Variants in SEMA5A observed in about 807,000 individuals in gnomAD.
SEMA5A encodes semaphorin 5A, also known as semaphorin-5A.
In SEMA5A, 55 loss-of-function variants were observed where a neutral mutation model predicts 135.5. That is an observed-to-expected ratio of 0.41 (90% CI 0.33 to 0.51). The LOEUF (loss-of-function observed/expected upper bound fraction) is 0.51. SEMA5A is among the 20% of genes least tolerant of loss of function. SEMA5A has a pLI of 0.37. For synonymous variants in SEMA5A, 580 were observed against 546.5 expected (o/e 1.06, Z -0.85); for missense variants, 1,290 against 1,419.9 (o/e 0.91, Z 1.47).
At chr5:9,186,741 A>G (rs1744830082) in intron 11 of SEMA5A, among the ~76,000 whole-genome samples, 1 of 152,270 alleles carries the variant, frequency 6.6e-6, no homozygotes, top group African/African-American at 2.4e-5. Flanking sequence ...GGTAGATGTG[A>G]TAATTAGATA....
Position 9,050,422 on chromosome 5 carries a change from T to G in SEMA5A, c.2881A>C (p.Lys961Gln). 1 of 1,612,896 alleles carries G rather than the reference T, an allele frequency of 6.2e-7. No homozygotes were observed. Among genetic ancestry groups the G allele is most frequent in the South Asian group, 1.1e-5 (1 of 90,648 alleles). The stretch of plus-strand genomic sequence containing the variant: ...AGGAATAACGTACCTCCACACCTTT[T>G]CTCTTCTACGCTACTGGATCTTGCC... ...SVARSSSVEE[K>Q]RCGEFNMFHM... is the part of the protein sequence containing the mutation. Residue 961 changes from lysine (K) to glutamine (Q), a missense_variant, in exon 21 of 23, where the codon AAA becomes CAA. By Grantham distance (53) the Lys-to-Gln change is moderately conservative. This residue lies in a region of SEMA5A where 1,029 missense variants were observed against 1,086.6 expected (regional missense o/e 0.95). Coordinates refer to ENST00000382496, the MANE Select transcript of SEMA5A (RefSeq NM_003966.3).
chr5:9,199,943 G>A (rs1004575054), intron 9 of SEMA5A, among the ~76,000 whole-genome samples: 1 of 152,162 alleles, frequency 6.6e-6, no homozygotes, highest in Non-Finnish European at 1.5e-5. Context: ...CCCTAGTGCT[G>A]AGAAACCTTG....
chr5:9,192,619 A>G (rs893565740), intron 10 of SEMA5A, among the ~76,000 whole-genome samples: 6 of 152,216 alleles, frequency 3.9e-5, no homozygotes, highest in Admixed American at 6.5e-5. Context: ...ATATAATTAC[A>G]GTATTAAATA....
intron 16 of SEMA5A, among the ~76,000 whole-genome samples, chr5:9,089,740 TTCA>T (rs1738929221): frequency 6.6e-6 from 1 of 152,172 alleles, no homozygotes; most frequent in Non-Finnish European, 1.5e-5. Flanking sequence ...CTTCTAACCT[TTCA>T]TCACTAAGTA....
intron 11 of SEMA5A, among the ~76,000 whole-genome samples, chr5:9,161,124 G>C (rs3797915): frequency 0.14 from 17,246 of 119,648 alleles, 1,169 homozygotes; most frequent in South Asian, 0.23. Flanking sequence ...GTGTTTTTTA[G>C]TGGGGAATTT....
intron 16 of SEMA5A, among the ~76,000 whole-genome samples, chr5:9,081,536 T>C (rs1466747593): frequency 8.1e-6 from 1 of 123,566 alleles, no homozygotes; most frequent in Non-Finnish European, 1.8e-5. Context: ...CCTCTCGCTA[T>C]GATATTTCTC....
In SEMA5A at chr5:9,473,715, TG is replaced by T. The variant is rs555645219; in HGVS notation, c.-174-35864del. ...TTAGGGAACGTGGTGTGCATGGCCA[TG>T]GGTGGACTGGCAGAAGGGCTTCTGG... On this transcript the variant is annotated intron_variant, in intron 1 of 22. Coordinates refer to ENST00000382496, the MANE Select transcript of SEMA5A (RefSeq NM_003966.3). Among the ~76,000 whole-genome samples the T allele has an allele frequency of 2.6e-4, 40 of 152,038 alleles. No individual in the cohort carries two copies. In the East Asian group the frequency reaches 6.8e-3, roughly 26 times the overall value.
chr5:9,280,439 C>T (rs1046120070), intron 5 of SEMA5A, among the ~76,000 whole-genome samples: 39 of 152,184 alleles, frequency 2.6e-4, no homozygotes, highest in African/African-American at 8.9e-4. Flanking sequence ...CAGGACTTGG[C>T]CCAGGTCACA....
chr5:9,347,612 C>T (rs1426038862), intron 3 of SEMA5A, among the ~76,000 whole-genome samples: 1 of 151,972 alleles, frequency 6.6e-6, no homozygotes, highest in Non-Finnish European at 1.5e-5. Flanking sequence ...TGTAAATCAG[C>T]ATTAAATACT....
chr5:9,057,430 T>C (rs924730817), intron 18 of SEMA5A, among the ~76,000 whole-genome samples: 1 of 152,270 alleles, frequency 6.6e-6, no homozygotes, highest in African/African-American at 2.4e-5. Context: ...TATTTATTCC[T>C]GTCCACATTT....
intron 3 of SEMA5A, among the ~76,000 whole-genome samples, chr5:9,360,299 A>G (rs1379776369): frequency 6.6e-6 from 1 of 152,246 alleles, no homozygotes; most frequent in Non-Finnish European, 1.5e-5. Flanking sequence ...GGAATACAGC[A>G]GTCAGGGTCT....
At chr5:9,294,288 C>A (rs1232415705) in intron 5 of SEMA5A, among the ~76,000 whole-genome samples, 1 of 152,188 alleles carries the variant, frequency 6.6e-6, no homozygotes, top group African/African-American at 2.4e-5. Flanking sequence ...GTATAAGCCC[C>A]AGCACCCCCA....
intron 21 of SEMA5A, among the ~76,000 whole-genome samples, chr5:9,048,687 GA>G (rs770752626): frequency 6.6e-6 from 1 of 152,172 alleles, no homozygotes. Flanking sequence ...GGTGTTACAT[GA>G]AGAACTGTAG....
At chr5:9,263,930 C>G (rs1188314212) in intron 5 of SEMA5A, among the ~76,000 whole-genome samples, 1 of 152,192 alleles carries the variant, frequency 6.6e-6, no homozygotes, top group Non-Finnish European at 1.5e-5. Flanking sequence ...TCATCTCTCC[C>G]CATCTCCCCT....
chr5:9,362,503 G>C (rs1026801394), intron 3 of SEMA5A, among the ~76,000 whole-genome samples: 1 of 152,154 alleles, frequency 6.6e-6, no homozygotes, highest in African/African-American at 2.4e-5. Context: ...GAGACACTTA[G>C]TTTGAATGCG....
chr5:9,223,992 G>T (rs1413411809), intron 8 of SEMA5A, among the ~76,000 whole-genome samples: 1 of 152,020 alleles, frequency 6.6e-6, no homozygotes, highest in East Asian at 1.9e-4. Flanking sequence ...AGGGGAGAGG[G>T]ATGTGGCTCT....
At chr5:9,456,090 C>A (rs988289573) in intron 1 of SEMA5A, among the ~76,000 whole-genome samples, 11 of 152,178 alleles carry the variant, frequency 7.2e-5, no homozygotes. Flanking sequence ...TTCAGAGAGG[C>A]CTGCAGCTAC....
At chr5:9,121,482 C>T (rs1202289435) in intron 14 of SEMA5A, among the ~76,000 whole-genome samples, 3 of 152,122 alleles carry the variant, frequency 2.0e-5, no homozygotes, top group Non-Finnish European at 4.4e-5. Context: ...GAAGACAGAT[C>T]GATAAATAAG....
intron 3 of SEMA5A, among the ~76,000 whole-genome samples, chr5:9,340,679 C>G (rs550638071): frequency 6.6e-6 from 1 of 152,276 alleles, no homozygotes; most frequent in African/African-American, 2.4e-5. Context: ...TTCTAATGAA[C>G]TTTCCCAATA....
Sources: gnomAD v4.1 joint callset for allele counts (sites outside exome capture counted in the v4.1 genomes callset) on GRCh38, gnomAD v4.1.1 for gene constraint, gnomAD v4.1.1 regional missense constraint, MANE v1.5 for transcripts, NCBI Gene and HGNC (gene_info 2026-07-23, HGNC 2026-07-21) for gene names.